Variants in RSPH3 observed in about 807,000 individuals in gnomAD.
RSPH3 encodes radial spoke head protein 3 homolog.
Under a neutral mutation model 43.8 loss-of-function variants are expected in RSPH3, and 21 were observed. The ratio of observed to expected loss-of-function variants is 0.48; its 90% CI spans 0.34 to 0.69. The LOEUF is 0.69. Ranked by LOEUF, RSPH3 falls within the 30% of genes least tolerant of loss-of-function variation. The pLI is 0.01. For missense variants in RSPH3, 487 were observed against 516.0 expected (o/e 0.94, Z 0.54); for synonymous variants, 173 against 179.8 (o/e 0.96, Z 0.30).
intron 6 of RSPH3, among the ~76,000 whole-genome samples, chr6:158,980,229 C>T (rs1387678801): frequency 6.6e-6 from 1 of 152,176 alleles, no homozygotes; most frequent in Non-Finnish European, 1.5e-5. Flanking sequence ...GAGGTCAGGA[C>T]CAGCCTGGCC....
At chr6:158,986,222 C>T in intron 3 of RSPH3, 58 bp downstream of exon 3, 1 of 1,550,164 alleles carries the variant, frequency 6.5e-7, no homozygotes, top group Non-Finnish European at 8.8e-7. Flanking sequence ...TAAAAATGAA[C>T]TGACATAGAC....
In RSPH3 at chr6:158,993,875, A is replaced by T; in HGVS notation, c.168T>A (p.Ile56=). 6.2e-7 allele frequency: 1 copy of T among 1,612,326 alleles called. No homozygotes were observed. Among genetic ancestry groups the T allele is most frequent in the Non-Finnish European group, 8.5e-7 (1 of 1,178,536 alleles). Residue 56 remains isoleucine (I), a synonymous_variant, in exon 2 of 8, where the codon ATT becomes ATA. Coordinates refer to ENST00000367069, the MANE Select transcript of RSPH3 (RefSeq NM_031924.8). The part of the protein sequence containing the change: ...YGNIMYDRRV[I]RGNTYALQTG... The stretch of plus-strand genomic sequence containing the variant: ...TCTGGAGTGCATAAGTGTTACCTCG[A>T]ATTACCCTTCTGTCATACATTATGT...
rs1022356477 is a variant in RSPH3 at position 159,000,154 on chromosome 6, GC to G, written c.-605del. The G allele has an allele frequency of 6.5e-6, 4 of 619,090 alleles. No individual in the cohort carries two copies. The highest frequency in any genetic ancestry group is 8.0e-6 in the Non-Finnish European group (3 of 374,304). The allele number at this position is 619,090 out of a possible 1,614,324, so 38.3% of individuals were successfully genotyped here. A position where few individuals can be genotyped will look rare whatever the true frequency, so the allele number is the denominator to read the frequency against. ...TCCCAGGCTGCCCCCGCGATAACAC[GC>G]CCCTGGCAGCCAGGCTCCCAGCTCT... On this transcript the variant is annotated 5_prime_UTR_variant, in exon 1 of 8. Coordinates refer to ENST00000367069, the MANE Select transcript of RSPH3 (RefSeq NM_031924.8).
chr6:158,983,483 G>T (rs1272036179), intron 4 of RSPH3, among the ~76,000 whole-genome samples, 179 bp downstream of exon 4: 9 of 152,164 alleles, frequency 5.9e-5, no homozygotes, highest in African/African-American at 1.9e-4. Context: ...ATCGGAACAT[G>T]GTATGTTAAA....
the RSPH3 span, among the ~76,000 whole-genome samples, chr6:158,965,911 T>C: frequency 6.6e-6 from 1 of 152,156 alleles, no homozygotes; most frequent in South Asian, 2.1e-4. Flanking sequence ...TTGTACAGGA[T>C]TGAGGAAGTT....
intron 2 of RSPH3, 54 bp from the exon 3 acceptor site, chr6:158,986,475 C>G (rs1348134985): frequency 1.4e-6 from 2 of 1,463,402 alleles, no homozygotes; most frequent in Admixed American, 4.1e-5. Flanking sequence ...TTAAAGCATA[C>G]AGGAACTGCC....
chr6:158,983,065 G>A (rs1172111341), intron 4 of RSPH3, among the ~76,000 whole-genome samples: 3 of 152,104 alleles, frequency 2.0e-5, no homozygotes, highest in East Asian at 1.9e-4. Flanking sequence ...AGGATTTATA[G>A]GCAAATATAA....
Position 158,978,323 on chromosome 6 carries a change from A to G in RSPH3, c.883T>C (p.Trp295Arg), listed in dbSNP as rs770398123. The G allele has an allele frequency of 2.6e-6, 4 of 1,540,148 alleles. No individual in the cohort carries two copies. Among genetic ancestry groups the G allele is most frequent in the Non-Finnish European group, 3.6e-6 (4 of 1,115,264 alleles). Residue 295 changes from tryptophan (W) to arginine (R), a missense_variant, in exon 7 of 8, where the codon TGG (tryptophan) becomes CGG (arginine). By Grantham distance (101) the Trp-to-Arg change is moderately radical. Coordinates refer to ENST00000367069, the MANE Select transcript of RSPH3 (RefSeq NM_031924.8). ...GTTTTTTCAACTTCATTCATTAGCC[A>G]TGGAAGAAATCCTATCTCAATATCT... ...ERDIEIGFLPWLMNEVEKTME... is the reference protein window; with the variant it reads ...ERDIEIGFLPRLMNEVEKTME...
intron 3 of RSPH3, 74 bp downstream of exon 3, chr6:158,986,206 G>T (rs997265697): frequency 3.4e-6 from 5 of 1,460,860 alleles, no homozygotes; most frequent in South Asian, 1.3e-5. Context: ...TAATACAAAG[G>T]CCAAATAAAA....
chr6:158,977,894 G>A (rs1396071240), intron 7 of RSPH3, 46 bp from the exon 8 acceptor site: 1 of 1,475,140 alleles, frequency 6.8e-7, no homozygotes, highest in Non-Finnish European at 9.2e-7. Flanking sequence ...TCATATTATG[G>A]TATATTTCAG....
At chr6:158,967,078 T>C in the RSPH3 span, among the ~76,000 whole-genome samples, 2,695 of 152,164 alleles carry the variant, frequency 0.018, 33 homozygotes, top group Middle Eastern at 0.024. Flanking sequence ...GGTATGATCA[T>C]GCATCACTGT....
chr6:158,983,623 A>G, intron 4 of RSPH3, 39 bp downstream of exon 4: 1 of 1,528,342 alleles, frequency 6.5e-7, no homozygotes, highest in Non-Finnish European at 9.1e-7. Flanking sequence ...TACCTCATTT[A>G]TAAAGATTAT....
Position 158,999,562 on chromosome 6 carries a change from G to T in RSPH3, c.-12C>A. 6.2e-7 allele frequency: 1 copy of T among 1,606,954 alleles called. No homozygotes were observed. Among genetic ancestry groups the T allele is most frequent in the East Asian group, 2.2e-5 (1 of 44,690 alleles). On this transcript the variant is annotated 5_prime_UTR_variant, in exon 1 of 8. Transcript: ENST00000367069. ...AGCGCTGAGGCCATGTCCGGGGGCT[G>T]ACTGCCTCGCTTTCGGTGGAGCTTG...
chr6:158,963,309 C>T, the RSPH3 span, among the ~76,000 whole-genome samples: 2 of 150,562 alleles, frequency 1.3e-5, no homozygotes, highest in African/African-American at 4.9e-5. Flanking sequence ...TCTCTTCCTC[C>T]CTCCCTCCTC....
chr6:158,996,341 C>T, intron 1 of RSPH3, among the ~76,000 whole-genome samples: 1 of 152,184 alleles, frequency 6.6e-6, no homozygotes, highest in East Asian at 1.9e-4. Flanking sequence ...AGATGTATTA[C>T]ATTCTCTTGT....
chr6:158,977,737 T>C lies in RSPH3; in HGVS notation c.1058A>G (p.Glu353Gly), dbSNP rs751117453. 4 of 1,614,004 alleles carry C rather than the reference T, an allele frequency of 2.5e-6. No homozygotes were observed. In the African/African-American group the frequency reaches 4.0e-5, roughly 16 times the overall value. Residue 353 changes from glutamate to glycine, a missense_variant, in exon 8 of 8, where the codon GAG becomes GGG. Transcript: ENST00000367069. ...DEPGGPGAMTESLEASEFLEQ... is the reference protein window; with the variant it reads ...DEPGGPGAMTGSLEASEFLEQ... ...CAGGAATTCAGAGGCCTCCAGTGAC[T>C]CTGTCATTGCTCCAGGACCACCAGG... is the stretch of plus-strand genomic sequence containing the variant.
At chr6:158,964,211 T>A in the RSPH3 span, among the ~76,000 whole-genome samples, 1 of 152,208 alleles carries the variant, frequency 6.6e-6, no homozygotes, top group African/African-American at 2.4e-5. Context: ...CACCCTCTCC[T>A]CTAATATAAT....
At chr6:158,993,689 T>A in intron 2 of RSPH3, 150 bp downstream of exon 2, 1 of 510,226 alleles carries the variant, frequency 2.0e-6, no homozygotes, top group Non-Finnish European at 3.4e-6. Context: ...TCTATTTGTA[T>A]GTCTTTTTAA....
At chr6:158,967,002 T>C in the RSPH3 span, among the ~76,000 whole-genome samples, 1 of 151,992 alleles carries the variant, frequency 6.6e-6, no homozygotes, top group African/African-American at 2.4e-5. Context: ...TCCATAAGTT[T>C]TGGCATATTG....
Sources: allele counts gnomAD v4.1 joint callset (sites outside exome capture counted in the v4.1 genomes callset), GRCh38; gene constraint gnomAD v4.1.1; transcripts MANE v1.5; gene names NCBI Gene and HGNC (gene_info 2026-07-23, HGNC 2026-07-21).